BRCA1: variants seen among roughly 807,000 people sequenced by gnomAD.
The protein encoded by BRCA1 is BRCA1 DNA repair associated.
BRCA1 carries 140 observed loss-of-function variants against 173.7 expected under a neutral mutation model. That is an observed-to-expected ratio of 0.81 (90% confidence interval 0.70 to 0.93). BRCA1 has a LOEUF of 0.93. Among genes scored for constraint, BRCA1 ranks in the 40% least tolerant of loss-of-function variants. The pLI is 0.00. For missense variants in BRCA1, 1,983 were observed against 2,172.5 expected, an observed-to-expected ratio of 0.91 and a Z score of 1.73; for synonymous variants, 662 against 756.0, an observed-to-expected ratio of 0.88 and a Z score of 2.04.
At chr17:43,091,068 C>T (rs1250083831) in intron 10 of BRCA1, 36 bp from the exon 11 acceptor site, 14 of 1,578,192 alleles carry the variant, frequency 8.9e-6, no homozygotes, top group Non-Finnish European at 1.2e-5. Flanking sequence ...GATGTAAAAG[C>T]AGACTATAAA....
intron 12 of BRCA1, chr17:43,079,167 T>C (rs2052881742): frequency 1.5e-6 from 1 of 671,858 alleles, no homozygotes; most frequent in South Asian, 1.8e-5. Flanking sequence ...AAAGTGAAAC[T>C]TCATCTCAAA....
chr17:43,063,276 T>G (rs2051846359), intron 18 of BRCA1, 57 bp downstream of exon 18: 1 of 1,431,238 alleles, frequency 7.0e-7, no homozygotes, highest in South Asian at 1.2e-5. Context: ...GCAAATACAT[T>G]TTTAACTATA....
intron 19 of BRCA1, among the ~76,000 whole-genome samples, chr17:43,051,326 C>A (rs2051228049): frequency 6.6e-6 from 1 of 152,178 alleles, no homozygotes. Context: ...AGAAGATCTT[C>A]TTGAAGTGCA....
At chr17:43,110,716 T>C (rs1451143565) in intron 3 of BRCA1, 3 of 272,928 alleles carry the variant, frequency 1.1e-5, no homozygotes, top group East Asian at 1.9e-4. Flanking sequence ...GGCTCATGCC[T>C]ATAATCCCAC....
rs80358149 is a variant in BRCA1, at chr17:43,104,863, C to T, written c.301+5G>A. 6.2e-7 allele frequency: 1 copy of T among 1,611,878 alleles called. No individual in the cohort carries two copies. The highest frequency in any genetic ancestry group is 8.5e-7 in the Non-Finnish European group (1 of 1,178,068). ...AGTGTCATTCTTGGGATATTCAACA[C>T]TTACACTCCAAACCTGTGTCAAGCT... On this transcript the variant is annotated splice_donor_5th_base_variant and intron_variant, in intron 5 of 22. Coordinates refer to ENST00000357654, the MANE Select transcript of BRCA1 (RefSeq NM_007294.4).
At chr17:43,113,242 C>T (rs2055120583) in intron 3 of BRCA1, among the ~76,000 whole-genome samples, 2 of 152,190 alleles carry the variant, frequency 1.3e-5, no homozygotes, top group African/African-American at 4.8e-5. Context: ...TTTCCAATCC[C>T]TTCTGCCTCC....
At chr17:43,137,493 G>C (rs949173081) in intron 1 of BRCA1, among the ~76,000 whole-genome samples, 2 of 151,682 alleles carry the variant, frequency 1.3e-5, no homozygotes, top group Non-Finnish European at 2.9e-5. Context: ...AGGGGAGCGA[G>C]CGTGTGAGTT....
At chr17:43,045,945 C>T (rs541909701) in intron 22 of BRCA1, 143 bp from the exon 23 acceptor site, 53 of 974,558 alleles carry the variant, frequency 5.4e-5, no homozygotes, top group Non-Finnish European at 6.9e-5. Flanking sequence ...TTTTTTGAGA[C>T]GGAGTCTTGC....
chr17:43,087,506 T>C (rs2053272348), intron 11 of BRCA1, among the ~76,000 whole-genome samples: 1 of 151,744 alleles, frequency 6.6e-6, no homozygotes, highest in Admixed American at 6.6e-5. Flanking sequence ...CTACTAAAAA[T>C]ACAAAGTTAG....
At chr17:43,096,788 C>T (rs2054158364) in intron 8 of BRCA1, among the ~76,000 whole-genome samples, 1 of 152,140 alleles carries the variant, frequency 6.6e-6, no homozygotes, top group Admixed American at 6.6e-5. Context: ...ATATGAGGAA[C>T]TTAGAGAACA....
At chr17:43,139,600 C>T (rs923140404) in intron 1 of BRCA1, among the ~76,000 whole-genome samples, 1 of 152,076 alleles carries the variant, frequency 6.6e-6, no homozygotes, top group African/African-American at 2.4e-5. Context: ...GCGATCCACC[C>T]ACCTCGGCCT....
rs80357036 is a variant in BRCA1, at chr17:43,091,696, C to T, written c.3835G>A (p.Ala1279Thr). 11 of 1,614,192 alleles carry T rather than the reference C, an allele frequency of 6.8e-6. No individual in the cohort carries two copies. The highest frequency in any genetic ancestry group is 8.5e-6 in the Non-Finnish European group (10 of 1,180,026). ...TCACTAAGGTGATGTTCCTGAGATG[C>T]CTTTGCCAATATTACCTGGTTACTG... ...DCSNQVILAK[A>T]SQEHHLSEET... The change falls in exon 10 of 23, where the codon GCA becomes ACA. Residue 1279 changes from alanine to threonine, a missense_variant. Transcript: ENST00000357654.
At chr17:43,100,628 T>C (rs1390829208) in intron 6 of BRCA1, among the ~76,000 whole-genome samples, 2,104 of 82,268 alleles carry the variant, frequency 0.026, 147 homozygotes, top group South Asian at 0.042. Context: ...AACATATATA[T>C]ATGTTATATA....
At chr17:43,108,806 A>G (rs572916676) in intron 3 of BRCA1, among the ~76,000 whole-genome samples, 1 of 151,204 alleles carries the variant, frequency 6.6e-6, no homozygotes, top group South Asian at 2.1e-4. Flanking sequence ...CAGCCTGACC[A>G]ACACGGAGAA....
intron 7 of BRCA1, among the ~76,000 whole-genome samples, chr17:43,097,928 G>C (rs971655120): frequency 7.2e-5 from 11 of 152,208 alleles, no homozygotes; most frequent in African/African-American, 2.6e-4. Flanking sequence ...AATAGATGGT[G>C]GTGCCTGGGA....
chr17:43,063,187 C>T (rs1667876617), intron 18 of BRCA1, 146 bp downstream of exon 18: 2 of 739,798 alleles, frequency 2.7e-6, no homozygotes, highest in Non-Finnish European at 4.8e-6. Context: ...ACAGTGCAGG[C>T]CTGCATAATT....
intron 13 of BRCA1, among the ~76,000 whole-genome samples, chr17:43,075,066 CGGAA>C (rs8176207): frequency 2.9e-4 from 43 of 147,256 alleles, no homozygotes; most frequent in East Asian, 4.0e-4. Context: ...AAGGAAAGGA[CGGAA>C]GGAAGGAAGG....
At chr17:43,052,185 T>A (rs2051269222) in intron 19 of BRCA1, among the ~76,000 whole-genome samples, 1 of 152,238 alleles carries the variant, frequency 6.6e-6, no homozygotes, top group Non-Finnish European at 1.5e-5. Context: ...CAATGTTCTA[T>A]ATCTATGCTA....
chr17:43,139,425 C>T (rs528929283), intron 1 of BRCA1, among the ~76,000 whole-genome samples: 4 of 151,524 alleles, frequency 2.6e-5, no homozygotes, highest in African/African-American at 9.7e-5. Flanking sequence ...GGCACGATCT[C>T]GGCTCACTGC....
Sources: gnomAD v4.1 joint callset for allele counts (sites outside exome capture counted in the v4.1 genomes callset) on GRCh38, gnomAD v4.1.1 for gene constraint, MANE v1.5 for transcripts, NCBI Gene and HGNC (gene_info 2026-07-23, HGNC 2026-07-21) for gene names.